MOB3B: variants seen among roughly 807,000 people sequenced by gnomAD.
MOB3B encodes the protein MOB kinase activator-like 2B.
In MOB3B, 7 loss-of-function variants were observed where a neutral mutation model predicts 18.7. That is an observed-to-expected ratio of 0.37 (90% confidence interval 0.21 to 0.70). The LOEUF (loss-of-function observed/expected upper bound fraction) is 0.70, where lower values mean the gene tolerates loss of function less well. Among genes scored for constraint, MOB3B ranks in the 30% least tolerant of loss-of-function variants. MOB3B has a pLI of 0.52. For synonymous variants in MOB3B, 111 were observed against 99.9 expected (o/e 1.11, Z -0.66); for missense variants, 253 against 281.3 (o/e 0.90, Z 0.72).
chr9:27,353,489 A>G (rs1402329313), intron 3 of MOB3B, among the ~76,000 whole-genome samples: 1 of 152,180 alleles, frequency 6.6e-6, no homozygotes, highest in Non-Finnish European at 1.5e-5. Context: ...CTATAAGGTA[A>G]CAGAACAGCT....
chr9:27,501,958 T>C (rs934665794), intron 1 of MOB3B, among the ~76,000 whole-genome samples: 9 of 152,214 alleles, frequency 5.9e-5, no homozygotes, highest in Admixed American at 2.0e-4. Context: ...TAGTCCTTGA[T>C]GCTCTTTCAG....
At chr9:27,417,682 A>G (rs1328576730) in intron 2 of MOB3B, among the ~76,000 whole-genome samples, 1 of 152,192 alleles carries the variant, frequency 6.6e-6, no homozygotes, top group Non-Finnish European at 1.5e-5. Flanking sequence ...GGTGAAAAAA[A>G]CCACCGTTTA....
chr9:27,389,856 A>C (rs1029305205), intron 2 of MOB3B, among the ~76,000 whole-genome samples: 2 of 152,084 alleles, frequency 1.3e-5, no homozygotes, highest in African/African-American at 4.8e-5. Context: ...GAGACCGAGG[A>C]GACATCACCA....
intron 2 of MOB3B, among the ~76,000 whole-genome samples, chr9:27,431,767 G>A (rs1481174088): frequency 5.5e-4 from 83 of 151,670 alleles, no homozygotes; most frequent in Non-Finnish European, 4.4e-5. Context: ...GAGAAGAAGA[G>A]AAAGAACATT....
chr9:27,374,422 T>C (rs1419753401), intron 2 of MOB3B, among the ~76,000 whole-genome samples: 1 of 152,162 alleles, frequency 6.6e-6, no homozygotes, highest in East Asian at 1.9e-4. Flanking sequence ...CCTCAATGGT[T>C]AGTCATGGAG....
intron 2 of MOB3B, among the ~76,000 whole-genome samples, chr9:27,382,782 C>T (rs1184092532): frequency 2.0e-5 from 3 of 151,694 alleles, no homozygotes; most frequent in Non-Finnish European, 2.9e-5. Flanking sequence ...AGAACTGGTG[C>T]TTTTTGCAGT....
intron 2 of MOB3B, among the ~76,000 whole-genome samples, chr9:27,451,497 C>T (rs116463935): frequency 1.3e-5 from 2 of 152,326 alleles, no homozygotes; most frequent in Admixed American, 1.3e-4. Flanking sequence ...AATCTAGGAA[C>T]AGATGAAAGC....
intron 1 of MOB3B, among the ~76,000 whole-genome samples, chr9:27,490,995 T>G (rs1204022728): frequency 6.7e-6 from 1 of 150,150 alleles, no homozygotes; most frequent in Non-Finnish European, 1.5e-5. Context: ...TTTTTTTAAT[T>G]CAGAAAATAA....
intron 2 of MOB3B, among the ~76,000 whole-genome samples, chr9:27,396,179 C>T (rs1230681394): frequency 1.3e-5 from 2 of 152,076 alleles, no homozygotes; most frequent in Admixed American, 6.6e-5. Flanking sequence ...AATAGTAAAC[C>T]ACATTTTCTT....
At chr9:27,332,779 G>C (rs775025185) in intron 3 of MOB3B, among the ~76,000 whole-genome samples, 7 of 152,220 alleles carry the variant, frequency 4.6e-5, no homozygotes, top group African/African-American at 1.4e-4. Context: ...AAAACCCTCA[G>C]GGAAGGAGAG....
chr9:27,454,935 G>A (rs1822844836), intron 2 of MOB3B, among the ~76,000 whole-genome samples, 198 bp downstream of exon 2: 1 of 152,024 alleles, frequency 6.6e-6, no homozygotes, highest in Non-Finnish European at 1.5e-5. Flanking sequence ...TGTACCACTG[G>A]AGTCCACAAA....
At chr9:27,340,524 A>G (rs1435255427) in intron 3 of MOB3B, among the ~76,000 whole-genome samples, 1 of 152,066 alleles carries the variant, frequency 6.6e-6, no homozygotes, top group Non-Finnish European at 1.5e-5. Context: ...CATTAATCAA[A>G]ACTGTTTGTG....
chr9:27,464,588 G>A (rs1819348008), intron 1 of MOB3B, among the ~76,000 whole-genome samples: 1 of 152,080 alleles, frequency 6.6e-6, no homozygotes, highest in Non-Finnish European at 1.5e-5. Flanking sequence ...TACAACCTCT[G>A]TATTCTGATA....
intron 1 of MOB3B, among the ~76,000 whole-genome samples, chr9:27,520,802 T>G (rs1434516437): frequency 1.3e-5 from 2 of 152,218 alleles, no homozygotes; most frequent in Admixed American, 1.3e-4. Flanking sequence ...TGAGCTCTGC[T>G]GTGAGAGGTC....
chr9:27,342,253 C>A (rs1458371934), intron 3 of MOB3B, among the ~76,000 whole-genome samples: 1 of 152,136 alleles, frequency 6.6e-6, no homozygotes, highest in Non-Finnish European at 1.5e-5. Context: ...ATAAATGGAT[C>A]CCCAAGCTGC....
At chr9:27,363,942 A>G (rs1415031944) in intron 2 of MOB3B, among the ~76,000 whole-genome samples, 2 of 151,938 alleles carry the variant, frequency 1.3e-5, no homozygotes, top group African/African-American at 4.8e-5. Flanking sequence ...ACAAGGTCCC[A>G]CTATGTTGCC....
intron 3 of MOB3B, among the ~76,000 whole-genome samples, chr9:27,356,095 A>C (rs1199833527): frequency 6.6e-6 from 1 of 152,212 alleles, no homozygotes; most frequent in Admixed American, 6.5e-5. Context: ...TTCGCCTCAG[A>C]AACATTCTTA....
At chr9:27,445,226 C>T (rs1235209612) in intron 2 of MOB3B, among the ~76,000 whole-genome samples, 2 of 152,186 alleles carry the variant, frequency 1.3e-5, no homozygotes, top group Admixed American at 6.5e-5. Flanking sequence ...ACATCCTAAG[C>T]ACTTTATGTG....
intron 2 of MOB3B, among the ~76,000 whole-genome samples, chr9:27,432,354 T>A (rs1822430325): frequency 6.6e-6 from 1 of 152,226 alleles, no homozygotes; most frequent in African/African-American, 2.4e-5. Flanking sequence ...GATACTGGAA[T>A]AATCTGCAAA....
Sources: allele counts gnomAD v4.1 joint callset (sites outside exome capture counted in the v4.1 genomes callset), GRCh38; gene constraint gnomAD v4.1.1; transcripts MANE v1.5; gene names NCBI Gene and HGNC (gene_info 2026-07-23, HGNC 2026-07-21).